The following FBXL17 variants were observed in gnomAD, a reference collection of about 807,000 sequenced individuals.
FBXL17 encodes the protein F-box and leucine rich repeat protein 17.
FBXL17 carries 22 observed loss-of-function variants against 66.2 expected under a neutral mutation model. The observed-to-expected ratio is 0.33, with a 90% CI of 0.24 to 0.47. The LOEUF is 0.47. FBXL17 is among the 20% of genes least tolerant of loss of function. The pLI is 1.00. For synonymous variants in FBXL17, 474 were observed against 400.5 expected, an observed-to-expected ratio of 1.18 and a Z score of -2.19; for missense variants, 878 against 948.2, an observed-to-expected ratio of 0.93 and a Z score of 0.97.
chr5:108,346,809 T>C (rs1747312137), intron 4 of FBXL17, among the ~76,000 whole-genome samples: 1 of 152,102 alleles, frequency 6.6e-6, no homozygotes, highest in Non-Finnish European at 1.5e-5. Context: ...AGAACTCAAG[T>C]AACTTTCCCA....
intron 8 of FBXL17, among the ~76,000 whole-genome samples, chr5:107,866,691 T>C (rs1191380585): frequency 2.0e-5 from 3 of 152,216 alleles, no homozygotes; most frequent in Non-Finnish European, 4.4e-5. Flanking sequence ...CTGATAAAAT[T>C]TGCAGAAGAA....
rs565673928 is a variant in FBXL17 at position 108,349,852 on chromosome 5, G to T, written c.1375-1322C>A. Among the ~76,000 whole-genome samples the T allele has an allele frequency of 3.3e-5, 5 of 152,194 alleles. 2 individuals carry two copies. The highest frequency in any genetic ancestry group is 1.2e-4 in the African/African-American group (5 of 41,546). On this transcript the variant is annotated intron_variant, in intron 3 of 8. Transcript: ENST00000542267. ...CCAGGAAAGCAGATTTTTTAAAAGT[G>T]CATGTTCATTTTTTATGTTATCCTC...
At chr5:107,990,244 T>A (rs1014901214) in intron 7 of FBXL17, among the ~76,000 whole-genome samples, 3 of 152,164 alleles carry the variant, frequency 2.0e-5, no homozygotes, top group African/African-American at 7.2e-5. Context: ...AGGTCTGGGA[T>A]AGTAGGGATG....
chr5:108,258,696 C>T (rs1039436316), intron 4 of FBXL17, among the ~76,000 whole-genome samples: 2 of 151,256 alleles, frequency 1.3e-5, no homozygotes, highest in African/African-American at 4.9e-5. Flanking sequence ...CTTTCCATTT[C>T]CTCAGTTTAA....
intron 7 of FBXL17, among the ~76,000 whole-genome samples, chr5:107,909,123 T>C (rs368675662): frequency 1.1e-4 from 16 of 152,162 alleles, no homozygotes; most frequent in South Asian, 2.1e-4. Flanking sequence ...CAAAATTAAA[T>C]GAATTCTATA....
intron 7 of FBXL17, among the ~76,000 whole-genome samples, chr5:107,977,147 T>C (rs1752611559): frequency 1.3e-5 from 2 of 152,224 alleles, no homozygotes; most frequent in African/African-American, 4.8e-5. Flanking sequence ...TCATTGGAGA[T>C]AACTCTTCCT....
intron 6 of FBXL17, among the ~76,000 whole-genome samples, chr5:108,092,655 T>C (rs756300108): frequency 3.9e-5 from 6 of 152,086 alleles, no homozygotes; most frequent in Admixed American, 6.6e-5. Flanking sequence ...TTAACAAAAT[T>C]TGGAGTTGTT....
At chr5:107,904,121 C>T (rs1749671214) in intron 7 of FBXL17, among the ~76,000 whole-genome samples, 1 of 152,158 alleles carries the variant, frequency 6.6e-6, no homozygotes, top group Non-Finnish European at 1.5e-5. Context: ...GCATTTCTGC[C>T]TCCGGGGCTT....
intron 6 of FBXL17, among the ~76,000 whole-genome samples, chr5:108,138,871 C>T (rs941394993): frequency 2.0e-5 from 3 of 152,084 alleles, no homozygotes; most frequent in Admixed American, 6.6e-5. Context: ...AGTTGCCTAT[C>T]TAAGAGGGAA....
chr5:108,204,199 T>C (rs1436913364), intron 5 of FBXL17, among the ~76,000 whole-genome samples: 6 of 152,058 alleles, frequency 3.9e-5, no homozygotes, highest in Admixed American at 3.9e-4. Flanking sequence ...TATAAGGTCT[T>C]TTCTTTTTTC....
intron 6 of FBXL17, among the ~76,000 whole-genome samples, chr5:108,058,983 A>T (rs767242093): frequency 6.6e-6 from 1 of 152,154 alleles, no homozygotes; most frequent in Non-Finnish European, 1.5e-5. Flanking sequence ...GGTAGACTTC[A>T]TTCAAATCAT....
intron 1 of FBXL17, 60 bp from the exon 2 acceptor site, chr5:108,368,013 G>A: frequency 1.4e-6 from 2 of 1,452,972 alleles, no homozygotes; most frequent in South Asian, 1.4e-5. Flanking sequence ...CACAGGAAAA[G>A]GTTTTTATTA....
chr5:107,861,842 C>G lies in FBXL17; in HGVS notation c.1984G>C (p.Glu662Gln). The change falls in exon 9 of 9, where the codon GAA becomes CAA. Residue 662 changes from glutamate (E) to glutamine (Q), a missense_variant. Physicochemically the swap from Glu to Gln is conservative, Grantham distance 29. Transcript: ENST00000542267. Reference protein sequence around the residue: ...RCDKVNEVTVEQLVQQYPHIT... With the variant: ...RCDKVNEVTVQQLVQQYPHIT... Reference sequence around the variant, plus strand: ...TGGGGGTACTGCTGCACCAGCTGTTCCACCGTCACTTCGTTGACCTGCAAA... The same window carrying G: ...TGGGGGTACTGCTGCACCAGCTGTTGCACCGTCACTTCGTTGACCTGCAAA... 6.5e-7 allele frequency: 1 copy of G among 1,541,924 alleles called. No individual in the cohort carries two copies. The highest frequency in any genetic ancestry group is 8.8e-7 in the Non-Finnish European group (1 of 1,139,212).
At chr5:108,062,431 T>C (rs1747959427) in intron 6 of FBXL17, among the ~76,000 whole-genome samples, 1 of 152,036 alleles carries the variant, frequency 6.6e-6, no homozygotes, top group African/African-American at 2.4e-5. Flanking sequence ...TAGATATCAA[T>C]TAAAAAGAAC....
At chr5:108,217,434 G>A (rs988387223) in intron 5 of FBXL17, among the ~76,000 whole-genome samples, 1 of 151,692 alleles carries the variant, frequency 6.6e-6, no homozygotes, top group Non-Finnish European at 1.5e-5. Flanking sequence ...CTGTAACACC[G>A]GCAACTTTTT....
intron 4 of FBXL17, chr5:108,299,350 G>A (rs1758484004): frequency 1.0e-6 from 1 of 984,342 alleles, no homozygotes; most frequent in African/African-American, 1.8e-5. Context: ...AGTATATTTT[G>A]TACATACATA....
At chr5:108,349,632 C>A (rs1747514675) in intron 3 of FBXL17, among the ~76,000 whole-genome samples, 1 of 151,980 alleles carries the variant, frequency 6.6e-6, no homozygotes, top group African/African-American at 2.4e-5. Flanking sequence ...AACTCTGGTG[C>A]CCGATATCTT....
chr5:108,174,906 T>C (rs757322663), intron 6 of FBXL17, among the ~76,000 whole-genome samples: 21 of 152,198 alleles, frequency 1.4e-4, no homozygotes, highest in Admixed American at 7.9e-4. Context: ...TGATTGAACA[T>C]TGGAATTCTA....
At chr5:107,957,155 G>A (rs1349393471) in intron 7 of FBXL17, among the ~76,000 whole-genome samples, 3 of 152,118 alleles carry the variant, frequency 2.0e-5, no homozygotes, top group Non-Finnish European at 4.4e-5. Flanking sequence ...CGGTGTCACT[G>A]ATTAAGATTC....
Sources: allele counts gnomAD v4.1 joint callset (sites outside exome capture counted in the v4.1 genomes callset), GRCh38; gene constraint gnomAD v4.1.1; transcripts MANE v1.5; gene names NCBI Gene and HGNC (gene_info 2026-07-23, HGNC 2026-07-21).